Variants in FGF12 observed in about 807,000 individuals in gnomAD.
The protein encoded by FGF12 is fibroblast growth factor 12.
Under a neutral mutation model 23.6 loss-of-function variants are expected in FGF12, and 14 were observed. The observed-to-expected ratio is 0.59, with a 90% CI of 0.39 to 0.93. The LOEUF is 0.93. Ranked by LOEUF, FGF12 falls within the 40% of genes least tolerant of loss-of-function variation. The pLI is 0.00. For synonymous variants in FGF12, 62 were observed against 77.3 expected (o/e 0.80, Z 1.04); for missense variants, 175 against 217.8 (o/e 0.80, Z 1.24).
intron 2 of FGF12, among the ~76,000 whole-genome samples, chr3:192,701,640 G>A (rs1327281273): frequency 6.6e-6 from 1 of 152,024 alleles, no homozygotes; most frequent in Admixed American, 6.6e-5. Flanking sequence ...CAAGAAAACT[G>A]GTCTCAGAGA....
chr3:192,606,190 C>CA (rs910633189), intron 2 of FGF12, among the ~76,000 whole-genome samples: 5 of 151,918 alleles, frequency 3.3e-5, no homozygotes, highest in Non-Finnish European at 7.4e-5. Flanking sequence ...ACTATGCAGC[C>CA]AAAAAAAGAA....
At chr3:192,363,471 G>C (rs574555401) in intron 2 of FGF12, among the ~76,000 whole-genome samples, 1 of 152,258 alleles carries the variant, frequency 6.6e-6, no homozygotes, top group Admixed American at 6.5e-5. Context: ...TCTGAGAGCA[G>C]TGCCAGAACA....
intron 2 of FGF12, among the ~76,000 whole-genome samples, chr3:192,522,120 C>T (rs1373839636): frequency 6.6e-6 from 1 of 151,284 alleles, no homozygotes; most frequent in Non-Finnish European, 1.5e-5. Flanking sequence ...ATGGCGTGAA[C>T]CCGGGAGGCG....
At chr3:192,611,686 C>T (rs530674071) in intron 2 of FGF12, among the ~76,000 whole-genome samples, 1 of 152,076 alleles carries the variant, frequency 6.6e-6, no homozygotes, top group South Asian at 2.1e-4. Context: ...CTGTCATATT[C>T]ACTCCAGGTT....
intron 4 of FGF12, chr3:192,282,981 A>G (rs1714237802): frequency 6.6e-6 from 1 of 152,134 alleles, no homozygotes; most frequent in Admixed American, 6.6e-5. Context: ...TGAAAAAGGG[A>G]TGACCATGTT....
At chr3:192,170,249 T>C (rs1327251833) in intron 5 of FGF12, among the ~76,000 whole-genome samples, 2 of 145,244 alleles carry the variant, frequency 1.4e-5, no homozygotes, top group East Asian at 2.0e-4. Flanking sequence ...CATTGCATTC[T>C]AGTGTGGGCG....
At chr3:192,204,942 A>C (rs1717572110) in intron 4 of FGF12, among the ~76,000 whole-genome samples, 1 of 151,586 alleles carries the variant, frequency 6.6e-6, no homozygotes, top group African/African-American at 2.4e-5. Flanking sequence ...AAAAATTTGC[A>C]CTCCTTGGAA....
At chr3:192,620,328 T>A (rs1714927990) in intron 2 of FGF12, among the ~76,000 whole-genome samples, 1 of 152,066 alleles carries the variant, frequency 6.6e-6, no homozygotes, top group African/African-American at 2.4e-5. Flanking sequence ...GAGCCCACAT[T>A]CTTCTTCCTT....
chr3:192,379,064 A>G (rs553636847), intron 2 of FGF12, among the ~76,000 whole-genome samples: 42 of 152,274 alleles, frequency 2.8e-4, no homozygotes, highest in African/African-American at 9.4e-4. Context: ...AGCTCTATCA[A>G]TGTTCCTGCT....
intron 3 of FGF12, among the ~76,000 whole-genome samples, chr3:192,358,014 A>G (rs1228713466): frequency 6.6e-6 from 1 of 152,190 alleles, no homozygotes. Context: ...AAATAAAGCA[A>G]ATAAATATAT....
intron 2 of FGF12, among the ~76,000 whole-genome samples, chr3:192,364,968 T>C (rs972829183): frequency 1.3e-5 from 2 of 152,088 alleles, no homozygotes; most frequent in African/African-American, 4.8e-5. Flanking sequence ...GATTATGTGA[T>C]GAGAATAGCA....
chr3:192,706,412 G>C (rs890627295), intron 2 of FGF12, among the ~76,000 whole-genome samples: 1 of 152,068 alleles, frequency 6.6e-6, no homozygotes, highest in East Asian at 1.9e-4. Flanking sequence ...ACTTTGCCAA[G>C]GTCACGTTAA....
At chr3:192,184,095 G>T (rs1265585745) in intron 4 of FGF12, among the ~76,000 whole-genome samples, 1 of 152,076 alleles carries the variant, frequency 6.6e-6, no homozygotes, top group Non-Finnish European at 1.5e-5. Context: ...ATGGTGACAG[G>T]TGCCTGTAGT....
intron 2 of FGF12, among the ~76,000 whole-genome samples, chr3:192,592,694 C>T (rs1428968848): frequency 2.0e-5 from 3 of 151,798 alleles, no homozygotes; most frequent in Non-Finnish European, 2.9e-5. Flanking sequence ...AACAAAACCA[C>T]TTTCCAGAAT....
intron 4 of FGF12, among the ~76,000 whole-genome samples, chr3:192,298,510 C>T (rs1314174690): frequency 3.3e-5 from 5 of 152,068 alleles, no homozygotes; most frequent in East Asian, 3.9e-4. Flanking sequence ...CCCAGCATTT[C>T]GGGAGGCCGA....
intron 4 of FGF12, among the ~76,000 whole-genome samples, chr3:192,172,555 A>G (rs751576941): frequency 2.6e-5 from 4 of 150,978 alleles, no homozygotes; most frequent in Non-Finnish European, 5.9e-5. Context: ...TAAATGAACT[A>G]CTAGCTTAAG....
intron 2 of FGF12, among the ~76,000 whole-genome samples, chr3:192,551,352 G>A (rs927066608): frequency 1.3e-5 from 2 of 152,194 alleles, no homozygotes; most frequent in African/African-American, 2.4e-5. Context: ...AGAAAGCTTC[G>A]CAGACTAGGG....
chr3:192,177,169 C>T (rs1208698484), intron 4 of FGF12, among the ~76,000 whole-genome samples: 2 of 152,218 alleles, frequency 1.3e-5, no homozygotes, highest in Non-Finnish European at 2.9e-5. Flanking sequence ...TTCTCCCTGA[C>T]CTTTGGCACG....
At chr3:192,612,713 T>C (rs1317525497) in intron 2 of FGF12, among the ~76,000 whole-genome samples, 1 of 151,932 alleles carries the variant, frequency 6.6e-6, no homozygotes, top group African/African-American at 2.4e-5. Flanking sequence ...ATATTCTGCT[T>C]ATTTCATACC....
Sources: gnomAD v4.1 joint callset for allele counts (sites outside exome capture counted in the v4.1 genomes callset) on GRCh38, gnomAD v4.1.1 for gene constraint, MANE v1.5 for transcripts, NCBI Gene and HGNC (gene_info 2026-07-23, HGNC 2026-07-21) for gene names.